The following ZMYM2 variants were observed in gnomAD, a reference collection of about 807,000 sequenced individuals.
The protein encoded by ZMYM2 is zinc finger MYM-type containing 2.
A neutral mutation model predicts 162.8 loss-of-function variants in ZMYM2; 56 were observed. That is an observed-to-expected ratio of 0.34 (90% CI 0.28 to 0.43). The LOEUF (loss-of-function observed/expected upper bound fraction) is 0.43. Among genes scored for constraint, ZMYM2 ranks in the 20% least tolerant of loss-of-function variants. ZMYM2 has a pLI of 1.00. For missense variants in ZMYM2, 1,275 were observed against 1,621.8 expected (o/e 0.79, Z 3.67); for synonymous variants, 510 against 541.6 (o/e 0.94, Z 0.81).
In ZMYM2 at chr13:20,087,702, T is replaced by C. The variant is rs1446324418; in HGVS notation, c.*1688T>C. 1.1e-5 allele frequency: 2 copies of C among 186,118 alleles called. No individual in the cohort carries two copies. The highest frequency in any genetic ancestry group is 4.7e-5 in the African/African-American group (2 of 42,756). The allele number at this position is 186,118 out of a possible 1,614,324, so 11.5% of individuals were successfully genotyped here. On this transcript the variant is annotated 3_prime_UTR_variant, in exon 25 of 25. Transcript: ENST00000610343. The stretch of plus-strand genomic sequence containing the variant: ...TAATGTTCTAACTTGTTTTATAAGT[T>C]GAATGACTTTTCAGTCCCTTGATTT...
At chr13:20,023,118 A>G (rs1189275819) in intron 7 of ZMYM2, among the ~76,000 whole-genome samples, 5 of 152,220 alleles carry the variant, frequency 3.3e-5, no homozygotes, top group Admixed American at 1.3e-4. Context: ...TGACAGTCAT[A>G]GGCCCTATTA....
chr13:20,020,892 C>T (rs1358406828), intron 7 of ZMYM2, among the ~76,000 whole-genome samples: 3 of 151,764 alleles, frequency 2.0e-5, no homozygotes, highest in Admixed American at 6.6e-5. Flanking sequence ...CTATTTCCTG[C>T]CTAATTATGT....
At chr13:19,958,205 C>T (rs898156899), upstream of ZMYM2, among the ~76,000 whole-genome samples, 15 of 152,008 alleles carry the variant, frequency 9.9e-5, no homozygotes, top group African/African-American at 3.6e-4. Context: ...AGCGCCTCCC[C>T]GGCCTCGCCC....
chr13:19,963,512 AT>A (rs952462638), intron 2 of ZMYM2, among the ~76,000 whole-genome samples: 36 of 148,570 alleles, frequency 2.4e-4, no homozygotes, highest in African/African-American at 3.4e-4. Flanking sequence ...ACCAGCAAGA[AT>A]TTTTTTTTTT....
intron 12 of ZMYM2, among the ~76,000 whole-genome samples, chr13:20,040,255 C>T (rs967702344): frequency 1.3e-5 from 2 of 152,076 alleles, no homozygotes; most frequent in African/African-American, 2.4e-5. Flanking sequence ...ATTACTGATT[C>T]AATTTCGGAG....
At chr13:20,033,434 T>C (rs1479342036) in intron 10 of ZMYM2, among the ~76,000 whole-genome samples, 1 of 152,182 alleles carries the variant, frequency 6.6e-6, no homozygotes, top group Admixed American at 6.5e-5. Context: ...GTGGCTTCTT[T>C]GTTGCCTTCC....
chr13:19,932,883 T>C, the ZMYM2 span, among the ~76,000 whole-genome samples: 1 of 152,072 alleles, frequency 6.6e-6, no homozygotes, highest in Non-Finnish European at 1.5e-5. Flanking sequence ...GTTTGTATGT[T>C]TTGTTTGTTT....
chr13:20,067,072 G>T (rs1033389019), intron 20 of ZMYM2, 53 bp downstream of exon 20: 1 of 1,504,388 alleles, frequency 6.6e-7, no homozygotes, highest in African/African-American at 1.4e-5. Flanking sequence ...CAAGATTTCT[G>T]TTATTGAGTA....
chr13:19,930,865 C>A, the ZMYM2 span, among the ~76,000 whole-genome samples: 1 of 150,550 alleles, frequency 6.6e-6, no homozygotes, highest in Non-Finnish European at 1.5e-5. Context: ...TAAGGCCGGG[C>A]GCGGTGGCTC....
chr13:20,010,382 G>C (rs77424378), intron 6 of ZMYM2, among the ~76,000 whole-genome samples: 4,340 of 151,846 alleles, frequency 0.029, 126 homozygotes, highest in East Asian at 0.13. Context: ...TTTTTTTGGA[G>C]ACATAGGGTT....
At chr13:19,946,237 C>T in the ZMYM2 span, among the ~76,000 whole-genome samples, 1 of 152,178 alleles carries the variant, frequency 6.6e-6, no homozygotes, top group African/African-American at 2.4e-5. Flanking sequence ...GTGTCATTTT[C>T]CCACTGAAAT....
At chr13:19,922,876 G>C in the ZMYM2 span, among the ~76,000 whole-genome samples, 1 of 151,804 alleles carries the variant, frequency 6.6e-6, no homozygotes, top group Non-Finnish European at 1.5e-5. Flanking sequence ...TACAAAATTA[G>C]CTGAGCGAGG....
intron 2 of ZMYM2, among the ~76,000 whole-genome samples, chr13:19,981,208 G>A (rs1957286880): frequency 6.6e-6 from 1 of 152,078 alleles, no homozygotes; most frequent in South Asian, 2.1e-4. Context: ...GATGTTCAAG[G>A]CTGCAGTGAG....
intron 6 of ZMYM2, among the ~76,000 whole-genome samples, chr13:20,007,315 T>G (rs2139988711): frequency 6.6e-6 from 1 of 152,130 alleles, no homozygotes; most frequent in East Asian, 1.9e-4. Flanking sequence ...TTTTGTATTT[T>G]TAGTAGAAAC....
the ZMYM2 span, among the ~76,000 whole-genome samples, chr13:19,948,016 A>AAAAAAT: frequency 1.4e-5 from 2 of 147,750 alleles, no homozygotes. Flanking sequence ...AAAAAAAAAA[A>AAAAAAT]GTTACATCAA....
In ZMYM2 at chr13:20,059,679, G is replaced by A. The variant is rs1024939164; in HGVS notation, c.2739+117G>A. On this transcript the variant is annotated intron_variant, in intron 16 of 24. Transcript: ENST00000610343. ...TGAACTCCATGCATCCACATATGTG[G>A]ATGATTTTTTTTTTTCCCCAATAAA... 1.4e-5 allele frequency: 8 copies of A among 575,774 alleles called. No homozygotes were observed. In the Admixed American group the frequency reaches 2.5e-4, roughly 18 times the overall value. The allele number at this position is 575,774 out of a possible 1,614,324, so 35.7% of individuals were successfully genotyped here.
At chr13:19,870,848 G>T in the ZMYM2 span, among the ~76,000 whole-genome samples, 1 of 151,466 alleles carries the variant, frequency 6.6e-6, no homozygotes, top group African/African-American at 2.4e-5. Flanking sequence ...GCTGGTCTCC[G>T]ACTCCCGACC....
intron 12 of ZMYM2, among the ~76,000 whole-genome samples, chr13:20,039,850 T>G (rs1025691048): frequency 6.6e-6 from 1 of 152,156 alleles, no homozygotes; most frequent in Non-Finnish European, 1.5e-5. Context: ...AATCATGTGG[T>G]TTTTGTCTTT....
At chr13:19,959,204 G>A (rs1435718827) in intron 1 of ZMYM2, among the ~76,000 whole-genome samples, 1 of 148,700 alleles carries the variant, frequency 6.7e-6, no homozygotes, top group African/African-American at 2.4e-5. Flanking sequence ...CGGCGGGGCG[G>A]GGGTGCCGGC....
Sources: allele counts gnomAD v4.1 joint callset (sites outside exome capture counted in the v4.1 genomes callset), GRCh38; gene constraint gnomAD v4.1.1; transcripts MANE v1.5; gene names NCBI Gene and HGNC (gene_info 2026-07-23, HGNC 2026-07-21).